The following ADAM29 variants were observed in gnomAD, a reference collection of about 807,000 sequenced individuals.
ADAM29 encodes the protein disintegrin and metalloproteinase domain-containing protein 29.
For synonymous variants in ADAM29, 367 were observed against 342.3 expected, an observed-to-expected ratio of 1.07 and a Z score of -0.80; for missense variants, 969 against 1,001.8, an observed-to-expected ratio of 0.97 and a Z score of 0.44.
At chr4:174,969,832 T>A (rs991174501) in intron 4 of ADAM29, among the ~76,000 whole-genome samples, 1 of 152,130 alleles carries the variant, frequency 6.6e-6, no homozygotes, top group African/African-American at 2.4e-5. Context: ...ATATTTTTAC[T>A]ATTATAAATA....
At chr4:174,928,993 A>G (rs1232509313) in intron 2 of ADAM29, among the ~76,000 whole-genome samples, 1 of 152,222 alleles carries the variant, frequency 6.6e-6, no homozygotes, top group East Asian at 1.9e-4. Context: ...AAGGGCCTAG[A>G]GTCAGGAAGA....
chr4:174,956,717 C>A (rs757361859), intron 4 of ADAM29, among the ~76,000 whole-genome samples: 1 of 151,682 alleles, frequency 6.6e-6, no homozygotes, highest in Non-Finnish European at 1.5e-5. Flanking sequence ...ATTCTCCTAC[C>A]GTCTCTGTAA....
rs1348006255 is a variant in ADAM29, at chr4:174,976,837, G to A, written c.1312G>A (p.Ala438Thr). The A allele has an allele frequency of 6.2e-7, 1 of 1,614,178 alleles. No homozygotes were observed. The highest frequency in any genetic ancestry group is 1.1e-5 in the South Asian group (1 of 91,078). The change falls in exon 5 of 5, where the codon GCT becomes ACT. Residue 438 changes from alanine (A) to threonine (T), a missense_variant. By Grantham distance (58) the Ala-to-Thr change is moderately conservative. Transcript: ENST00000359240. ...CACTCTGACTGATGGTTCTACTTGT[G>A]CTTTTGGGCTTTGTTGCAAAGACTG... Reference protein sequence around the residue: ...NCTLTDGSTCAFGLCCKDCKF... With the variant: ...NCTLTDGSTCTFGLCCKDCKF...
chr4:174,962,451 G>C (rs557806000), intron 4 of ADAM29, among the ~76,000 whole-genome samples: 2 of 151,074 alleles, frequency 1.3e-5, no homozygotes, highest in South Asian at 4.2e-4. Context: ...AGCAGAGCTT[G>C]CAGTGAGCCG....
chr4:174,976,615 A>G lies in ADAM29; in HGVS notation c.1090A>G (p.Thr364Ala), dbSNP rs754367597. 1.2e-6 allele frequency: 2 copies of G among 1,610,242 alleles called. No individual in the cohort carries two copies. The highest frequency in any genetic ancestry group is 3.3e-5 in the Admixed American group (2 of 59,706). The stretch of plus-strand genomic sequence containing the variant: ...AATGCATGAAGGCAACCCACCAATA[A>G]CTAAATTTAGCAATTGTAGTTATGG... ...CIMHEGNPPITKFSNCSYGDF... is the reference protein window; with the variant it reads ...CIMHEGNPPIAKFSNCSYGDF... Residue 364 changes from threonine (T) to alanine (A), a missense_variant, in exon 5 of 5, where the codon ACT becomes GCT. Coordinates refer to ENST00000359240, the MANE Select transcript of ADAM29 (RefSeq NM_014269.4).
chr4:174,924,936 C>A (rs1468947280), intron 2 of ADAM29, among the ~76,000 whole-genome samples: 1 of 152,084 alleles, frequency 6.6e-6, no homozygotes, highest in Non-Finnish European at 1.5e-5. Context: ...TGATGAAGGC[C>A]AACATTAACT....
intron 4 of ADAM29, among the ~76,000 whole-genome samples, chr4:174,965,515 C>CTA (rs760398127): frequency 6.7e-6 from 1 of 150,330 alleles, no homozygotes; most frequent in Admixed American, 6.6e-5. Context: ...ATCTATCTAT[C>CTA]TATCTATCAT....
intron 4 of ADAM29, among the ~76,000 whole-genome samples, chr4:174,965,781 T>TG (rs1257017689): frequency 2.6e-5 from 4 of 151,568 alleles, no homozygotes; most frequent in Admixed American, 1.3e-4. Flanking sequence ...AATCTCATCA[T>TG]GGGGGCCTTG....
chr4:174,977,580 T>G lies in ADAM29; in HGVS notation c.2055T>G (p.Ile685Met), dbSNP rs780508389. 89 of 1,613,564 alleles carry G rather than the reference T, an allele frequency of 5.5e-5. No homozygotes were observed. The highest frequency in any genetic ancestry group is 7.4e-5 in the Non-Finnish European group (87 of 1,179,856). ...KFCYLCILLL[I>M]VLFILLCCLY... is the part of the protein sequence containing the mutation. ...GTTATCTGTGTATATTGTTGCTTAT[T>G]GTTTTGTTTATTTTATTATGTTGTC... The change falls in exon 5 of 5, where the codon ATT becomes ATG. Residue 685 changes from isoleucine (I) to methionine (M), a missense_variant. Coordinates refer to ENST00000359240, the MANE Select transcript of ADAM29 (RefSeq NM_014269.4).
At chr4:174,965,330 C>G (rs1485869415) in intron 4 of ADAM29, among the ~76,000 whole-genome samples, 4 of 152,014 alleles carry the variant, frequency 2.6e-5, no homozygotes, top group African/African-American at 9.7e-5. Context: ...AGTGAGAACT[C>G]ACTCCCCCAA....
intron 4 of ADAM29, among the ~76,000 whole-genome samples, chr4:174,948,492 C>T (rs1343682729): frequency 6.6e-6 from 1 of 152,108 alleles, no homozygotes; most frequent in African/African-American, 2.4e-5. Flanking sequence ...TACTGAGCCC[C>T]CCAGCTTGTT....
At chr4:174,935,250 G>A (rs886095541) in intron 3 of ADAM29, among the ~76,000 whole-genome samples, 1 of 152,016 alleles carries the variant, frequency 6.6e-6, no homozygotes, top group Non-Finnish European at 1.5e-5. Flanking sequence ...ATATAATACA[G>A]GATATGTCAT....
At chr4:174,926,648 C>A (rs1286276287) in intron 2 of ADAM29, among the ~76,000 whole-genome samples, 1 of 150,592 alleles carries the variant, frequency 6.6e-6, no homozygotes, top group African/African-American at 2.5e-5. Context: ...AGCCTATAAT[C>A]CCTGCTACTC....
intron 4 of ADAM29, among the ~76,000 whole-genome samples, chr4:174,960,961 T>TA (rs967858016): frequency 6.6e-6 from 1 of 152,122 alleles, no homozygotes; most frequent in African/African-American, 2.4e-5. Context: ...GCTTCAACCT[T>TA]ACAAGAAAAG....
intron 4 of ADAM29, among the ~76,000 whole-genome samples, chr4:174,938,690 C>CTGGG (rs549297473): frequency 5.6e-4 from 86 of 152,220 alleles, no homozygotes; most frequent in African/African-American, 2.0e-3. Flanking sequence ...AATATCTTGA[C>CTGGG]TGGGGCTCAG....
intron 1 of ADAM29, among the ~76,000 whole-genome samples, chr4:174,920,032 A>C (rs1228410141): frequency 6.6e-6 from 1 of 152,210 alleles, no homozygotes; most frequent in Non-Finnish European, 1.5e-5. Context: ...ATATATAGGC[A>C]TTTCATGCTT....
At chr4:174,957,576 T>C (rs1745575418) in intron 4 of ADAM29, among the ~76,000 whole-genome samples, 2 of 151,774 alleles carry the variant, frequency 1.3e-5, no homozygotes, top group Non-Finnish European at 3.0e-5. Flanking sequence ...AAGTTCCTAC[T>C]CTGGGTCTGC....
At chr4:174,936,094 T>A (rs1052588806) in intron 3 of ADAM29, among the ~76,000 whole-genome samples, 1 of 152,032 alleles carries the variant, frequency 6.6e-6, no homozygotes. Flanking sequence ...TTCAGGTCAA[T>A]CTAATAAATA....
intron 3 of ADAM29, among the ~76,000 whole-genome samples, chr4:174,936,619 G>A (rs922430043): frequency 1.3e-5 from 2 of 151,844 alleles, no homozygotes; most frequent in Non-Finnish European, 2.9e-5. Flanking sequence ...GCTCCCACTT[G>A]TATTTGAATG....
Sources: gnomAD v4.1 joint callset for allele counts (sites outside exome capture counted in the v4.1 genomes callset) on GRCh38, gnomAD v4.1.1 for gene constraint, MANE v1.5 for transcripts, NCBI Gene and HGNC (gene_info 2026-07-23, HGNC 2026-07-21) for gene names.